SPAG17: variants seen among roughly 807,000 people sequenced by gnomAD.
SPAG17 encodes sperm-associated antigen 17.
Under a neutral mutation model 273.6 loss-of-function variants are expected in SPAG17, and 169 were observed. The observed-to-expected ratio is 0.62, with a 90% CI of 0.55 to 0.70. The LOEUF is 0.70. Ranked by LOEUF, SPAG17 falls within the 30% of genes least tolerant of loss-of-function variation. The probability of loss-of-function intolerance (pLI) is 0.00; values close to 1 mark genes in which losing one functional copy is unlikely to be tolerated. For synonymous variants in SPAG17, 825 were observed against 873.2 expected (o/e 0.94, Z 0.97); for missense variants, 2,557 against 2,627.8 (o/e 0.97, Z 0.59).
chr1:118,093,676 C>A (rs1482853063), intron 7 of SPAG17, among the ~76,000 whole-genome samples: 1 of 152,166 alleles, frequency 6.6e-6, no homozygotes, highest in African/African-American at 2.4e-5. Flanking sequence ...ACTTTAATAT[C>A]CTCAGCCAGT....
intron 1 of SPAG17, among the ~76,000 whole-genome samples, chr1:118,158,898 G>A (rs1299994082): frequency 6.6e-6 from 1 of 152,232 alleles, no homozygotes; most frequent in Non-Finnish European, 1.5e-5. Context: ...ATTTAAGGCT[G>A]TGGACTGGTC....
rs1655771232 is a variant in SPAG17 at position 117,981,285 on chromosome 1, T to C, written c.5989A>G (p.Thr1997Ala). The change falls in exon 43 of 49, where the codon ACA becomes GCA. Residue 1997 changes from threonine (T) to alanine (A), a missense_variant. Transcript: ENST00000336338. ...ACTGCCATACCTTCAGGAGATTTTG[T>C]TAAATTTTCAGTTTGGTTCTGAGCA... ...FTAQNQTENLTKSPEEAESYE... is the reference protein window; with the variant it reads ...FTAQNQTENLAKSPEEAESYE... 1 of 1,569,508 alleles carries C rather than the reference T, an allele frequency of 6.4e-7. No homozygotes were observed. The highest frequency in any genetic ancestry group is 2.2e-5 in the Admixed American group (1 of 45,126).
chr1:118,154,847 A>T (rs563735189), intron 1 of SPAG17, among the ~76,000 whole-genome samples: 53 of 152,234 alleles, frequency 3.5e-4, no homozygotes, highest in African/African-American at 1.2e-3. Context: ...TTCTTAAACT[A>T]TCTTAAGAAG....
chr1:118,048,530 T>TA (rs1474015365), intron 20 of SPAG17, among the ~76,000 whole-genome samples: 2 of 151,614 alleles, frequency 1.3e-5, no homozygotes, highest in African/African-American at 4.8e-5. Flanking sequence ...TTAGCTAAAC[T>TA]AAAAAAAAGA....
At chr1:118,045,204 TTTTG>T (rs1437912860) in intron 20 of SPAG17, among the ~76,000 whole-genome samples, 1 of 152,174 alleles carries the variant, frequency 6.6e-6, no homozygotes, top group East Asian at 1.9e-4. Flanking sequence ...TAGGAGCATC[TTTTG>T]CTCTAATGAG....
chr1:118,159,528 T>C (rs903795939), intron 1 of SPAG17, among the ~76,000 whole-genome samples: 5 of 152,172 alleles, frequency 3.3e-5, no homozygotes, highest in African/African-American at 1.2e-4. Context: ...ACCACATAAA[T>C]GTAAAATATT....
chr1:117,968,821 G>A (rs938137459), intron 46 of SPAG17, among the ~76,000 whole-genome samples: 6 of 152,192 alleles, frequency 3.9e-5, no homozygotes. Flanking sequence ...ACAGGCCTAT[G>A]CACTCTTCGC....
At chr1:117,954,907 T>G (rs1651946025) in intron 48 of SPAG17, among the ~76,000 whole-genome samples, 2 of 152,116 alleles carry the variant, frequency 1.3e-5, no homozygotes, top group Admixed American at 1.3e-4. Context: ...GAAGATTCTG[T>G]TAATCTAAAT....
chr1:117,973,848 C>T (rs922503690), intron 43 of SPAG17, among the ~76,000 whole-genome samples: 4 of 152,226 alleles, frequency 2.6e-5, no homozygotes, highest in South Asian at 2.1e-4. Flanking sequence ...TCAGAGTCCC[C>T]GGCATCTCTT....
intron 18 of SPAG17, 112 bp downstream of exon 18, chr1:118,066,633 A>G: frequency 1.2e-6 from 1 of 823,268 alleles, no homozygotes; most frequent in Non-Finnish European, 1.9e-6. Flanking sequence ...AAATGTTTTC[A>G]TTGAGCTGAA....
At chr1:118,132,434 G>A (rs1253848200) in intron 3 of SPAG17, among the ~76,000 whole-genome samples, 1 of 152,182 alleles carries the variant, frequency 6.6e-6, no homozygotes, top group African/African-American at 2.4e-5. Context: ...AGGGTGACAC[G>A]ATCAGATATA....
chr1:117,975,715 T>C (rs1268379471), intron 43 of SPAG17, among the ~76,000 whole-genome samples: 1 of 152,218 alleles, frequency 6.6e-6, no homozygotes, highest in Non-Finnish European at 1.5e-5. Flanking sequence ...TCAGAATATC[T>C]GGGAATGGAA....
chr1:118,031,856 G>T lies in SPAG17; in HGVS notation c.3445C>A (p.Pro1149Thr), dbSNP rs1007038735. The T allele has an allele frequency of 6.3e-7, 1 of 1,597,088 alleles. No individual in the cohort carries two copies. The highest frequency in any genetic ancestry group is 1.1e-5 in the South Asian group (1 of 87,106). The change falls in exon 25 of 49, where the codon CCT becomes ACT. Residue 1149 changes from proline (P) to threonine (T), a missense_variant. Physicochemically the swap from Pro to Thr is conservative, Grantham distance 38. Transcript: ENST00000336338. Reference protein sequence around the residue: ...SNGMAPEDKDPDLETILNIPS... With the variant: ...SNGMAPEDKDTDLETILNIPS... The stretch of plus-strand genomic sequence containing the variant: ...ATATTCAATATTGTTTCTAAATCAG[G>T]ATCCTTATCTTCTATAAGCAGAAAA...
intron 15 of SPAG17, among the ~76,000 whole-genome samples, chr1:118,078,270 T>C (rs1248193921): frequency 2.0e-5 from 3 of 152,118 alleles, no homozygotes; most frequent in Non-Finnish European, 4.4e-5. Context: ...TTAAAATTTA[T>C]TTTTTCTTTT....
intron 32 of SPAG17, among the ~76,000 whole-genome samples, chr1:118,004,851 C>T (rs1658707637): frequency 6.6e-6 from 1 of 152,228 alleles, no homozygotes; most frequent in African/African-American, 2.4e-5. Flanking sequence ...GTGAGATGAA[C>T]CAGGTACTTC....
intron 17 of SPAG17, among the ~76,000 whole-genome samples, chr1:118,070,097 A>G (rs1324814272): frequency 1.3e-5 from 2 of 152,220 alleles, no homozygotes; most frequent in Non-Finnish European, 2.9e-5. Context: ...TTAAAAGAAC[A>G]GTAACATTTT....
intron 1 of SPAG17, among the ~76,000 whole-genome samples, chr1:118,163,267 C>T (rs919134780): frequency 2.0e-5 from 3 of 152,120 alleles, no homozygotes; most frequent in South Asian, 2.1e-4. Context: ...CAAGGTGATA[C>T]GCATTGACCT....
At chr1:118,106,640 T>C (rs1026935738) in intron 4 of SPAG17, among the ~76,000 whole-genome samples, 1 of 152,264 alleles carries the variant, frequency 6.6e-6, no homozygotes, top group Non-Finnish European at 1.5e-5. Context: ...CAGAAACTTT[T>C]ACAACTGCAA....
At chr1:118,107,879 A>G (rs147892188) in intron 4 of SPAG17, among the ~76,000 whole-genome samples, 102 of 152,300 alleles carry the variant, frequency 6.7e-4, no homozygotes, top group African/African-American at 2.4e-3. Context: ...TGTTCTCTCT[A>G]TATAACTTGG....
Sources: allele counts gnomAD v4.1 joint callset (sites outside exome capture counted in the v4.1 genomes callset), GRCh38; gene constraint gnomAD v4.1.1; transcripts MANE v1.5; gene names NCBI Gene and HGNC (gene_info 2026-07-23, HGNC 2026-07-21).